ASTN1: variants seen among roughly 807,000 people sequenced by gnomAD.
ASTN1 encodes the protein astrotactin 1, also known as astrotactin-1.
ASTN1 carries 41 observed loss-of-function variants against 140.7 expected under a neutral mutation model. The ratio of observed to expected loss-of-function variants is 0.29; its 90% CI spans 0.23 to 0.38. ASTN1 has a LOEUF of 0.38. Among genes scored for constraint, ASTN1 ranks in the 10% least tolerant of loss-of-function variants. ASTN1 has a pLI of 1.00. For synonymous variants in ASTN1, 640 were observed against 652.2 expected, an observed-to-expected ratio of 0.98 and a Z score of 0.29; for missense variants, 1,479 against 1,678.8, an observed-to-expected ratio of 0.88 and a Z score of 2.08.
intron 21 of ASTN1, among the ~76,000 whole-genome samples, chr1:176,870,639 A>C (rs1281742959): frequency 1.3e-5 from 2 of 152,152 alleles, no homozygotes; most frequent in African/African-American, 4.8e-5. Context: ...TTTCTCACTG[A>C]TATCTCTTGA....
chr1:176,886,180 C>A (rs930488953), intron 18 of ASTN1, among the ~76,000 whole-genome samples: 1 of 152,152 alleles, frequency 6.6e-6, no homozygotes, highest in East Asian at 1.9e-4. Flanking sequence ...AGTATATTTT[C>A]GTTTCCCACT....
At position 177,061,115 on chromosome 1, in the gene ASTN1, G is replaced by C. The variant is rs1450768858; in HGVS notation, c.434C>G (p.Ala145Gly). 1 of 1,610,498 alleles carries C rather than the reference G, an allele frequency of 6.2e-7. No homozygotes were observed. The highest frequency in any genetic ancestry group is 8.5e-7 in the Non-Finnish European group (1 of 1,178,398). The change falls in exon 2 of 23, where the codon GCA (alanine) becomes GGA (glycine). Residue 145 changes from alanine (A) to glycine (G), a missense_variant. By Grantham distance (60) the Ala-to-Gly change is moderately conservative (BLOSUM62 0). This residue lies in a region of ASTN1 where 729 missense variants were observed against 860.4 expected (regional missense o/e 0.85). Coordinates refer to ENST00000361833, the MANE Select transcript of ASTN1 (RefSeq NM_004319.3). ...GTGGAGGATCCTCAGCTCCTCTTCTGCCGACTCATGTTGGGGTTCTTCAGT... is the reference window on the plus strand; with the variant it reads ...GTGGAGGATCCTCAGCTCCTCTTCTCCCGACTCATGTTGGGGTTCTTCAGT... The part of the protein sequence containing the change: ...DPTEEPQHES[A>G]EEELRILHIS...
intron 1 of ASTN1, among the ~76,000 whole-genome samples, chr1:177,100,708 A>G (rs1326133374): frequency 2.0e-5 from 3 of 152,084 alleles, no homozygotes; most frequent in African/African-American, 7.2e-5. Context: ...AGGGAAGATG[A>G]CTCCATTTCT....
At chr1:177,116,515 A>G (rs775028169) in intron 1 of ASTN1, among the ~76,000 whole-genome samples, 17 of 152,160 alleles carry the variant, frequency 1.1e-4, no homozygotes, top group Non-Finnish European at 2.5e-4. Context: ...AATGTCTTTC[A>G]TCAACTCTGA....
chr1:177,065,954 T>G (rs1030055240), intron 1 of ASTN1, among the ~76,000 whole-genome samples: 2 of 152,346 alleles, frequency 1.3e-5, no homozygotes, highest in South Asian at 4.1e-4. Context: ...GGCCTAGGTA[T>G]GGTACGAGTA....
At chr1:176,984,526 G>A (rs904927276) in intron 8 of ASTN1, among the ~76,000 whole-genome samples, 5 of 152,128 alleles carry the variant, frequency 3.3e-5, no homozygotes, top group African/African-American at 1.2e-4. Context: ...CTAGACTGGA[G>A]GAGATTATAA....
intron 1 of ASTN1, among the ~76,000 whole-genome samples, chr1:177,108,671 T>C (rs1353404028): frequency 1.3e-5 from 2 of 152,144 alleles, no homozygotes; most frequent in Admixed American, 1.3e-4. Flanking sequence ...GGATAATTGG[T>C]GATGTCATTT....
At chr1:176,977,297 C>T (rs1156958640) in intron 8 of ASTN1, among the ~76,000 whole-genome samples, 2 of 152,214 alleles carry the variant, frequency 1.3e-5, no homozygotes, top group East Asian at 3.8e-4. Flanking sequence ...TCATTCATTT[C>T]TTCATTTATC....
At chr1:176,995,132 C>T (rs536002329) in intron 8 of ASTN1, among the ~76,000 whole-genome samples, 3 of 152,230 alleles carry the variant, frequency 2.0e-5, no homozygotes, top group African/African-American at 7.2e-5. Flanking sequence ...TTATATGCAA[C>T]CATTCGCTGA....
At chr1:177,008,499 C>CAGGAAGAGAGAGCGGGAGAT (rs1675112297) in intron 8 of ASTN1, among the ~76,000 whole-genome samples, 1 of 116,926 alleles carries the variant, frequency 8.6e-6, no homozygotes, top group Non-Finnish European at 1.8e-5. Flanking sequence ...GAGAGGGAGA[C>CAGGAAGAGAGAGCGGGAGAT]AGGAAGAGAG....
chr1:176,873,723 T>C (rs776670214), intron 21 of ASTN1, among the ~76,000 whole-genome samples: 8 of 152,282 alleles, frequency 5.3e-5, no homozygotes, highest in Middle Eastern at 3.4e-3. Context: ...ACAGGACACC[T>C]TCCTGGCTGA....
At chr1:177,088,521 G>T (rs1679584548) in intron 1 of ASTN1, among the ~76,000 whole-genome samples, 1 of 152,082 alleles carries the variant, frequency 6.6e-6, no homozygotes, top group Admixed American at 6.6e-5. Flanking sequence ...AACAAAGAAG[G>T]CAAAATGTTC....
At chr1:176,904,867 T>C (rs1669918490) in intron 16 of ASTN1, among the ~76,000 whole-genome samples, 1 of 152,170 alleles carries the variant, frequency 6.6e-6, no homozygotes, top group South Asian at 2.1e-4. Context: ...CCTCGGCTGA[T>C]GTTGAAGGCC....
At chr1:177,023,051 T>G (rs1207977226) in intron 7 of ASTN1, among the ~76,000 whole-genome samples, 1 of 152,242 alleles carries the variant, frequency 6.6e-6, no homozygotes, top group African/African-American at 2.4e-5. Flanking sequence ...ACTTTTCTAA[T>G]TTTTAAAAAG....
intron 16 of ASTN1, among the ~76,000 whole-genome samples, chr1:176,904,306 C>T (rs1020386816): frequency 7.1e-6 from 1 of 140,058 alleles, no homozygotes; most frequent in Non-Finnish European, 1.6e-5. Flanking sequence ...GTTCCCGGCT[C>T]CATCGGCGTC....
At chr1:176,986,723 C>G (rs1294802751) in intron 8 of ASTN1, among the ~76,000 whole-genome samples, 1 of 152,124 alleles carries the variant, frequency 6.6e-6, no homozygotes, top group Admixed American at 6.5e-5. Context: ...CTCTCTGTGT[C>G]TCATTTCCTC....
rs1668054565 is a variant in ASTN1, at chr1:176,864,149, C to T, written c.*135G>A. 1.3e-6 allele frequency: 2 copies of T among 1,496,784 alleles called. No individual in the cohort carries two copies. The highest frequency in any genetic ancestry group is 1.8e-6 in the Non-Finnish European group (2 of 1,131,238). The allele number at this position is 1,496,784 out of a possible 1,614,324, so 92.7% of individuals were successfully genotyped here. Reference sequence around the variant, plus strand: ...GAAGTTCTGCAGGGAGCAAGGATCACTTTCTCCCTGGTTTCGATGTTGCTG... The same window carrying T: ...GAAGTTCTGCAGGGAGCAAGGATCATTTTCTCCCTGGTTTCGATGTTGCTG... On this transcript the variant is annotated 3_prime_UTR_variant, in exon 23 of 23. Transcript: ENST00000361833.
At chr1:177,061,360 T>C in intron 1 of ASTN1, 95 bp from the exon 2 acceptor site, 2 of 1,262,338 alleles carry the variant, frequency 1.6e-6, no homozygotes, top group East Asian at 2.6e-5. Context: ...GCCAGTTTCG[T>C]CTGAAGCCAA....
chr1:176,938,775 C>T (rs1023281323), intron 14 of ASTN1, among the ~76,000 whole-genome samples: 3 of 152,160 alleles, frequency 2.0e-5, no homozygotes, highest in African/African-American at 7.2e-5. Context: ...TCCTATCTGC[C>T]TTATAGGCAG....
Sources: gnomAD v4.1 joint callset for allele counts (sites outside exome capture counted in the v4.1 genomes callset) on GRCh38, gnomAD v4.1.1 for gene constraint, gnomAD v4.1.1 regional missense constraint, MANE v1.5 for transcripts, NCBI Gene and HGNC (gene_info 2026-07-23, HGNC 2026-07-21) for gene names.